The following DGKB variants were observed in gnomAD, a reference collection of about 807,000 sequenced individuals.
DGKB encodes 90 kDa diacylglycerol kinase.
A neutral mutation model predicts 114.3 loss-of-function variants in DGKB; 67 were observed. The observed-to-expected ratio is 0.59, with a 90% CI of 0.48 to 0.72. DGKB has a LOEUF of 0.72. Among genes scored for constraint, DGKB ranks in the 30% least tolerant of loss-of-function variants. The pLI is 0.00. For missense variants in DGKB, 907 were observed against 975.2 expected (o/e 0.93, Z 0.93); for synonymous variants, 398 against 323.1 (o/e 1.23, Z -2.49).
At chr7:14,908,936 T>C (rs1375868218) in intron 1 of DGKB, among the ~76,000 whole-genome samples, 1 of 152,224 alleles carries the variant, frequency 6.6e-6, no homozygotes, top group Middle Eastern at 3.2e-3. Context: ...ATCAGCCATC[T>C]GTGTGGTATT....
intron 21 of DGKB, among the ~76,000 whole-genome samples, chr7:14,399,106 T>A (rs1822699451): frequency 6.6e-6 from 1 of 151,542 alleles, no homozygotes; most frequent in Non-Finnish European, 1.5e-5. Flanking sequence ...AGTTGAATTT[T>A]TAACTTCTCC....
At chr7:14,670,142 G>A (rs1209380175) in intron 13 of DGKB, among the ~76,000 whole-genome samples, 2 of 151,898 alleles carry the variant, frequency 1.3e-5, no homozygotes, top group Non-Finnish European at 2.9e-5. Flanking sequence ...TATTCATAGT[G>A]AAATAATTAT....
intron 1 of DGKB, among the ~76,000 whole-genome samples, chr7:14,968,262 T>C (rs576144176): frequency 5.3e-4 from 80 of 152,254 alleles, no homozygotes; most frequent in African/African-American, 1.8e-3. Flanking sequence ...ATTTTTTAAA[T>C]TAGTTTCTAA....
chr7:14,836,389 T>C (rs1313972533), intron 2 of DGKB, among the ~76,000 whole-genome samples: 1 of 152,184 alleles, frequency 6.6e-6, no homozygotes, highest in African/African-American at 2.4e-5. Context: ...TTGCATGCTA[T>C]ATAACACACA....
intron 2 of DGKB, among the ~76,000 whole-genome samples, chr7:14,783,771 T>A (rs1016750115): frequency 2.0e-5 from 3 of 152,232 alleles, no homozygotes; most frequent in African/African-American, 7.2e-5. Flanking sequence ...CAATTTATTT[T>A]CAGATGAGAG....
At chr7:14,923,957 C>CTCCAGT in intron 1 of DGKB, among the ~76,000 whole-genome samples, 1 of 128,360 alleles carries the variant, frequency 7.8e-6, no homozygotes, top group East Asian at 2.9e-4. Flanking sequence ...GCACTCCAAC[C>CTCCAGT]TGGGCAACAC....
intron 20 of DGKB, among the ~76,000 whole-genome samples, chr7:14,572,916 T>C (rs1563552707): frequency 1.3e-5 from 2 of 152,138 alleles, no homozygotes; most frequent in Non-Finnish European, 2.9e-5. Flanking sequence ...TATTTTTAAA[T>C]ATAGAATGTC....
chr7:14,447,660 G>A (rs1039696913), intron 21 of DGKB, among the ~76,000 whole-genome samples: 15 of 151,874 alleles, frequency 9.9e-5, no homozygotes, highest in African/African-American at 1.5e-4. Context: ...GTAGAGCTAG[G>A]AACATGTCCG....
At chr7:14,917,682 T>G (rs1784307227) in intron 1 of DGKB, among the ~76,000 whole-genome samples, 1 of 151,990 alleles carries the variant, frequency 6.6e-6, no homozygotes, top group South Asian at 2.1e-4. Flanking sequence ...ATTGCTGAAT[T>G]GTAACATTTA....
At chr7:14,336,248 C>T (rs916274287) in intron 23 of DGKB, among the ~76,000 whole-genome samples, 6 of 151,870 alleles carry the variant, frequency 4.0e-5, no homozygotes, top group African/African-American at 1.5e-4. Context: ...CAAAGTATCT[C>T]AAAGTGAAAA....
intron 23 of DGKB, among the ~76,000 whole-genome samples, chr7:14,266,470 T>C (rs1797532095): frequency 6.6e-6 from 1 of 152,186 alleles, no homozygotes; most frequent in Non-Finnish European, 1.5e-5. Flanking sequence ...AAAGCTAATA[T>C]ATTGACTAAT....
chr7:14,277,492 T>C (rs1357834576), intron 23 of DGKB, among the ~76,000 whole-genome samples: 1 of 152,188 alleles, frequency 6.6e-6, no homozygotes, highest in Non-Finnish European at 1.5e-5. Flanking sequence ...CTTTTTTAGA[T>C]TCCACATACA....
At chr7:14,560,599 A>G (rs1796515107) in intron 20 of DGKB, among the ~76,000 whole-genome samples, 1 of 152,154 alleles carries the variant, frequency 6.6e-6, no homozygotes, top group Admixed American at 6.5e-5. Flanking sequence ...TTCTTTATCC[A>G]TTCATCTGTG....
intron 23 of DGKB, among the ~76,000 whole-genome samples, chr7:14,285,330 T>C (rs1800704578): frequency 6.6e-6 from 1 of 152,148 alleles, no homozygotes; most frequent in African/African-American, 2.4e-5. Flanking sequence ...ATTACTGCTC[T>C]AATAGAGGGG....
intron 21 of DGKB, among the ~76,000 whole-genome samples, chr7:14,444,293 T>C (rs1432909689): frequency 6.6e-6 from 1 of 151,886 alleles, no homozygotes; most frequent in Non-Finnish European, 1.5e-5. Context: ...CTTAGTTTTA[T>C]TCAGTTGGTA....
chr7:14,969,738 C>T (rs140361096), intron 1 of DGKB, among the ~76,000 whole-genome samples: 242 of 152,268 alleles, frequency 1.6e-3, no homozygotes, highest in African/African-American at 5.4e-3. Flanking sequence ...CATGCCAAAA[C>T]GGTTTGGACC....
intron 1 of DGKB, among the ~76,000 whole-genome samples, chr7:14,914,044 A>G (rs1050044344): frequency 6.6e-6 from 1 of 152,220 alleles, no homozygotes; most frequent in Admixed American, 6.5e-5. Context: ...ACTTTCCCTC[A>G]TGCTTTAGGG....
intron 1 of DGKB, among the ~76,000 whole-genome samples, chr7:14,856,893 T>A (rs1445582760): frequency 6.6e-6 from 1 of 152,136 alleles, no homozygotes; most frequent in Non-Finnish European, 1.5e-5. Context: ...TGCCCATAAA[T>A]GAGTATGGGG....
intron 2 of DGKB, among the ~76,000 whole-genome samples, chr7:14,828,145 T>C (rs1845943148): frequency 6.6e-6 from 1 of 152,090 alleles, no homozygotes. Context: ...AATTTTGTGA[T>C]ATACTAGAAA....
Sources: gnomAD v4.1 joint callset for allele counts (sites outside exome capture counted in the v4.1 genomes callset) on GRCh38, gnomAD v4.1.1 for gene constraint, MANE v1.5 for transcripts, NCBI Gene and HGNC (gene_info 2026-07-23, HGNC 2026-07-21) for gene names.